The following ANO4 variants were observed in gnomAD, a reference collection of about 807,000 sequenced individuals.
ANO4 encodes anoctamin 4, also known as anoctamin-4.
Under a neutral mutation model 141.9 loss-of-function variants are expected in ANO4, and 69 were observed. That is an observed-to-expected ratio of 0.49 (90% CI 0.40 to 0.59). ANO4 has a LOEUF of 0.59. Among genes scored for constraint, ANO4 ranks in the 20% least tolerant of loss-of-function variants. The probability of loss-of-function intolerance (pLI) is 0.00; values close to 1 mark genes in which losing one functional copy is unlikely to be tolerated. For synonymous variants in ANO4, 350 were observed against 394.3 expected, an observed-to-expected ratio of 0.89 and a Z score of 1.33; for missense variants, 894 against 1,162.2, an observed-to-expected ratio of 0.77 and a Z score of 3.36.
intron 8 of ANO4, among the ~76,000 whole-genome samples, chr12:101,002,716 C>T (rs2045704054): frequency 6.6e-6 from 1 of 152,144 alleles, no homozygotes; most frequent in Admixed American, 6.5e-5. Flanking sequence ...GCCCATTAGC[C>T]TCTGTAAATG....
At chr12:100,911,995 C>G (rs1282396700) in intron 2 of ANO4, among the ~76,000 whole-genome samples, 2 of 152,120 alleles carry the variant, frequency 1.3e-5, no homozygotes, top group African/African-American at 2.4e-5. Flanking sequence ...TCATAGCAGT[C>G]TGTGAGGTGG....
chr12:100,936,330 T>C (rs2042283283), intron 3 of ANO4, among the ~76,000 whole-genome samples: 1 of 152,174 alleles, frequency 6.6e-6, no homozygotes, highest in African/African-American at 2.4e-5. Flanking sequence ...CATTGTAGGA[T>C]GTATAGCGGC....
rs544009933 is a variant in ANO4 at position 100,956,094 on chromosome 12, G to A, written c.456+13559G>A. Among the ~76,000 whole-genome samples the A allele has an allele frequency of 6.6e-5, 10 of 152,304 alleles. No homozygotes were observed. The East Asian group carries it at 1.5e-3, about 23-fold the overall frequency. On this transcript the variant is annotated intron_variant, in intron 5 of 27. Transcript: ENST00000392977. The stretch of plus-strand genomic sequence containing the variant: ...CTTAATGACAGAGCTAGAAAGATGT[G>A]CATTTTATAGTAATTTTTTTCCAAA...
intron 17 of ANO4, among the ~76,000 whole-genome samples, chr12:101,091,007 C>A (rs2136923613): frequency 6.6e-6 from 1 of 152,288 alleles, no homozygotes; most frequent in Admixed American, 6.5e-5. Flanking sequence ...GGGAGCTAGG[C>A]TGCTAGGCAT....
At chr12:100,947,674 G>A (rs922263317) in intron 5 of ANO4, among the ~76,000 whole-genome samples, 4 of 152,142 alleles carry the variant, frequency 2.6e-5, no homozygotes, top group Admixed American at 6.5e-5. Flanking sequence ...ATACTTCTGT[G>A]TAATATGATA....
chr12:100,845,210 A>G (rs2037494779), intron 1 of ANO4, among the ~76,000 whole-genome samples: 1 of 152,144 alleles, frequency 6.6e-6, no homozygotes, highest in Non-Finnish European at 1.5e-5. Context: ...GACGTGAGGA[A>G]GCAGATGGAG....
chr12:100,863,114 G>A lies in ANO4; in HGVS notation c.-140-38532G>A, dbSNP rs969502018. 3.3e-5 allele frequency among the ~76,000 whole-genome samples: 5 copies of A among 152,134 alleles called. 1 individual carries two copies. The South Asian group carries it at 1.0e-3, about 32-fold the overall frequency. On this transcript the variant is annotated intron_variant, in intron 1 of 27. Transcript: ENST00000392977. ...AGAGGGGACAGCAGGAGCTGAGGCA[G>A]GAGCATGCTTGGCAACTTCAAAGAA...
intron 8 of ANO4, among the ~76,000 whole-genome samples, chr12:100,988,347 G>A (rs1209040859): frequency 6.6e-6 from 1 of 152,044 alleles, no homozygotes; most frequent in African/African-American, 2.4e-5. Context: ...GGCAGGGCAG[G>A]CAGGAGGACA....
intron 6 of ANO4, among the ~76,000 whole-genome samples, chr12:100,972,478 A>G (rs886763418): frequency 6.6e-6 from 1 of 152,194 alleles, no homozygotes; most frequent in African/African-American, 2.4e-5. Context: ...CCTGGAGGCA[A>G]AATTCTCAAA....
intron 1 of ANO4, among the ~76,000 whole-genome samples, chr12:100,807,244 T>C (rs2035113960): frequency 6.6e-6 from 1 of 152,186 alleles, no homozygotes; most frequent in Admixed American, 6.5e-5. Context: ...TGATTTTTAC[T>C]TGGGCCAAGG....
intron 1 of ANO4, among the ~76,000 whole-genome samples, chr12:100,842,388 T>G (rs2037318093): frequency 6.7e-6 from 1 of 149,802 alleles, no homozygotes; most frequent in Non-Finnish European, 1.5e-5. Context: ...CCTCCGCAGC[T>G]GTTTGCAAGT....
chr12:101,073,937 G>A (rs766771588), intron 14 of ANO4, among the ~76,000 whole-genome samples: 1 of 152,122 alleles, frequency 6.6e-6, no homozygotes, highest in Admixed American at 6.6e-5. Context: ...CATGGTGGAG[G>A]TGAAGGTAGA....
At chr12:101,078,538 A>T (rs1403672445) in intron 14 of ANO4, among the ~76,000 whole-genome samples, 1 of 152,190 alleles carries the variant, frequency 6.6e-6, no homozygotes, top group East Asian at 1.9e-4. Context: ...CTGCATGGGG[A>T]GGCCAGCCAC....
At chr12:100,992,708 T>C (rs866920454) in intron 8 of ANO4, among the ~76,000 whole-genome samples, 13 of 152,348 alleles carry the variant, frequency 8.5e-5, no homozygotes, top group South Asian at 6.2e-4. Context: ...CCATAGGCCA[T>C]ATCTGTTTTT....
intron 3 of ANO4, among the ~76,000 whole-genome samples, chr12:100,769,287 G>C (rs1288225237): frequency 6.6e-6 from 1 of 152,218 alleles, no homozygotes; most frequent in Non-Finnish European, 1.5e-5. Context: ...TAGTGATCTA[G>C]CTGGCTCCTG....
chr12:100,902,724 G>A (rs576183984), intron 2 of ANO4, among the ~76,000 whole-genome samples: 15 of 152,286 alleles, frequency 9.8e-5, no homozygotes, highest in South Asian at 4.1e-4. Flanking sequence ...CACCAGGGCC[G>A]TTGGGCATGA....
At chr12:100,922,445 G>A (rs990288174) in intron 3 of ANO4, 115 bp downstream of exon 3, 19 of 695,354 alleles carry the variant, frequency 2.7e-5, no homozygotes, top group Non-Finnish European at 3.8e-5. Flanking sequence ...TTAACAAAAT[G>A]ATGTCTTGAA....
At chr12:100,912,410 G>GAAAAA (rs1232614824) in intron 2 of ANO4, among the ~76,000 whole-genome samples, 2 of 49,406 alleles carry the variant, frequency 4.0e-5, no homozygotes, top group East Asian at 9.3e-4. Context: ...AAAAAAAAAA[G>GAAAAA]AAAAAAGAAA....
intron 1 of ANO4, among the ~76,000 whole-genome samples, chr12:100,901,079 A>T (rs1225272007): frequency 2.6e-5 from 4 of 152,256 alleles, no homozygotes; most frequent in Non-Finnish European, 5.9e-5. Context: ...ATACTCCAGC[A>T]TCTAAAAAGC....
Sources: gnomAD v4.1 joint callset for allele counts (sites outside exome capture counted in the v4.1 genomes callset) on GRCh38, gnomAD v4.1.1 for gene constraint, MANE v1.5 for transcripts, NCBI Gene and HGNC (gene_info 2026-07-23, HGNC 2026-07-21) for gene names.